The following GRIP1 variants were observed in gnomAD, a reference collection of about 807,000 sequenced individuals.
The protein encoded by GRIP1 is glutamate receptor-interacting protein 1.
In GRIP1, 45 loss-of-function variants were observed where a neutral mutation model predicts 129.9. That is an observed-to-expected ratio of 0.35 (90% CI 0.27 to 0.44). The LOEUF is 0.44. Ranked by LOEUF, GRIP1 falls within the 20% of genes least tolerant of loss-of-function variation. The pLI, the probability that GRIP1 is intolerant of heterozygous loss-of-function variation, is 1.00. For missense variants in GRIP1, 1,196 were observed against 1,396.8 expected, an observed-to-expected ratio of 0.86 and a Z score of 2.29; for synonymous variants, 530 against 520.8, an observed-to-expected ratio of 1.02 and a Z score of -0.24.
chr12:66,356,857 AT>A (rs2054511689), intron 23 of GRIP1, among the ~76,000 whole-genome samples: 1 of 152,022 alleles, frequency 6.6e-6, no homozygotes, highest in Non-Finnish European at 1.5e-5. Flanking sequence ...CTCAAAAATG[AT>A]TTTTTATTTT....
intron 1 of GRIP1, among the ~76,000 whole-genome samples, chr12:67,021,535 A>G (rs1227799133): frequency 2.6e-5 from 4 of 152,196 alleles, no homozygotes. Context: ...ATAATTGTAC[A>G]TATTTATGGG....
chr12:66,419,820 G>GT (rs1224682972), intron 15 of GRIP1, among the ~76,000 whole-genome samples: 5 of 152,216 alleles, frequency 3.3e-5, no homozygotes, highest in African/African-American at 1.2e-4. Context: ...CTTGGGCTGG[G>GT]TGTGGCGGTT....
chr12:66,786,422 G>T (rs748528), intron 1 of GRIP1, among the ~76,000 whole-genome samples: 5,751 of 152,214 alleles, frequency 0.038, 216 homozygotes, highest in South Asian at 0.12. Context: ...CAGCAGCAGG[G>T]CTGGGGACAG....
intron 16 of GRIP1, among the ~76,000 whole-genome samples, chr12:66,395,089 A>C (rs1417280192): frequency 1.3e-5 from 2 of 152,226 alleles, no homozygotes; most frequent in East Asian, 3.8e-4. Context: ...AATTTTGGCT[A>C]TTCAACATTA....
At chr12:66,795,856 C>G (rs921971477) in intron 1 of GRIP1, among the ~76,000 whole-genome samples, 3 of 152,054 alleles carry the variant, frequency 2.0e-5, no homozygotes, top group African/African-American at 7.2e-5. Context: ...ATGGAGTGCA[C>G]TTGAAAGACT....
At chr12:66,625,000 C>T (rs61926095) in intron 1 of GRIP1, among the ~76,000 whole-genome samples, 1 of 121,134 alleles carries the variant, frequency 8.3e-6, no homozygotes, top group African/African-American at 3.3e-5. Flanking sequence ...TATTTCAGTT[C>T]CTTTTTTTTT....
chr12:66,530,015 T>C (rs1041032723), intron 4 of GRIP1, 101 bp from the exon 5 acceptor site: 6 of 784,918 alleles, frequency 7.6e-6, no homozygotes, highest in Non-Finnish European at 1.3e-5. Flanking sequence ...CTGTTGCAAA[T>C]AAGTTTTGAG....
At chr12:66,451,798 G>T (rs1279237209) in intron 11 of GRIP1, among the ~76,000 whole-genome samples, 1 of 152,204 alleles carries the variant, frequency 6.6e-6, no homozygotes, top group East Asian at 1.9e-4. Context: ...CAGGAACGCA[G>T]TAGAGGTGGC....
intron 1 of GRIP1, among the ~76,000 whole-genome samples, chr12:66,606,925 T>C (rs901641593): frequency 1.5e-4 from 23 of 152,146 alleles, no homozygotes; most frequent in Admixed American, 6.6e-4. Context: ...AATGAAGCTT[T>C]AACATACGTA....
At chr12:66,582,790 A>G (rs1290034157) in intron 2 of GRIP1, among the ~76,000 whole-genome samples, 1 of 145,776 alleles carries the variant, frequency 6.9e-6, no homozygotes. Context: ...TTCCATGCTC[A>G]TGGGTAGGAA....
chr12:66,604,603 G>C (rs999005916), intron 1 of GRIP1, among the ~76,000 whole-genome samples: 5 of 152,168 alleles, frequency 3.3e-5, no homozygotes, highest in African/African-American at 1.2e-4. Flanking sequence ...GTGCTTTAAA[G>C]CTTTGGTTTA....
intron 1 of GRIP1, among the ~76,000 whole-genome samples, chr12:66,661,474 GGT>G (rs1491060747): frequency 2.8e-5 from 2 of 70,312 alleles, no homozygotes; most frequent in Non-Finnish European, 5.4e-5. Context: ...AAAAAAAAAA[GGT>G]GGAGGGGAGA....
At chr12:66,755,033 T>C (rs1268507115) in intron 1 of GRIP1, among the ~76,000 whole-genome samples, 2 of 152,162 alleles carry the variant, frequency 1.3e-5, no homozygotes, top group Non-Finnish European at 2.9e-5. Flanking sequence ...GGAATACTGA[T>C]GGATATAACT....
intron 14 of GRIP1, among the ~76,000 whole-genome samples, chr12:66,428,591 A>T (rs2058056439): frequency 6.6e-6 from 1 of 152,168 alleles, no homozygotes; most frequent in Non-Finnish European, 1.5e-5. Flanking sequence ...GTGAAAATAA[A>T]GCCAGTGCTA....
chr12:66,949,760 CTTTTTTT>C (rs781123585), intron 1 of GRIP1, among the ~76,000 whole-genome samples: 79 of 85,464 alleles, frequency 9.2e-4, no homozygotes, highest in African/African-American at 3.2e-3. Context: ...CATGCTCCTC[CTTTTTTT>C]TTTTTTTTTT....
At chr12:66,574,645 T>C (rs1173291326) in intron 2 of GRIP1, among the ~76,000 whole-genome samples, 1 of 152,244 alleles carries the variant, frequency 6.6e-6, no homozygotes, top group Non-Finnish European at 1.5e-5. Flanking sequence ...GCTTACAATA[T>C]TTCATTAACA....
At chr12:66,468,969 ACAG>A (rs1311663719) in intron 7 of GRIP1, among the ~76,000 whole-genome samples, 1 of 152,240 alleles carries the variant, frequency 6.6e-6, no homozygotes. Flanking sequence ...TGAAAAAACA[ACAG>A]GTGTAATATT....
At chr12:66,467,349 C>T (rs1242055253) in intron 7 of GRIP1, among the ~76,000 whole-genome samples, 1 of 152,224 alleles carries the variant, frequency 6.6e-6, no homozygotes, top group African/African-American at 2.4e-5. Context: ...GATCTCCTGA[C>T]ATCAGACTAG....
At chr12:66,492,359 A>C (rs1483633162) in intron 7 of GRIP1, among the ~76,000 whole-genome samples, 1 of 152,166 alleles carries the variant, frequency 6.6e-6, no homozygotes, top group African/African-American at 2.4e-5. Context: ...AAAATTAAAA[A>C]CCAAATACTA....
Sources: allele counts gnomAD v4.1 joint callset (sites outside exome capture counted in the v4.1 genomes callset), GRCh38; gene constraint gnomAD v4.1.1; transcripts MANE v1.5; gene names NCBI Gene and HGNC (gene_info 2026-07-23, HGNC 2026-07-21).